Variants in PTPRT observed in about 807,000 individuals in gnomAD.
The protein encoded by PTPRT is protein tyrosine phosphatase receptor type T.
A neutral mutation model predicts 176.8 loss-of-function variants in PTPRT; 56 were observed. The ratio of observed to expected loss-of-function variants is 0.32; its 90% confidence interval spans 0.26 to 0.40. PTPRT has a LOEUF of 0.40. Ranked by LOEUF, PTPRT falls within the 10% of genes least tolerant of loss-of-function variation. The pLI is 1.00. For synonymous variants in PTPRT, 783 were observed against 739.0 expected, an observed-to-expected ratio of 1.06 and a Z score of -0.96; for missense variants, 1,540 against 1,908.2, an observed-to-expected ratio of 0.81 and a Z score of 3.60.
intron 6 of PTPRT, among the ~76,000 whole-genome samples, chr20:42,744,343 A>G (rs1177473161): frequency 1.3e-5 from 2 of 152,250 alleles, no homozygotes; most frequent in Admixed American, 1.3e-4. Context: ...GTCTACATCA[A>G]GAAAGAACAT....
chr20:42,423,164 CCT>C lies in PTPRT; in HGVS notation c.1560+25054_1560+25055del, dbSNP rs542881341. 3.1e-5 allele frequency among the ~76,000 whole-genome samples: 4 copies of C among 130,854 alleles called. No individual in the cohort carries two copies. The South Asian group carries it at 7.6e-4, about 25-fold the overall frequency. The allele number at this position is 130,854 out of a possible 152,430, so 85.8% of individuals were successfully genotyped here. On this transcript the variant is annotated intron_variant, in intron 9 of 30. Transcript: ENST00000373187. ...TCCCATGAAAACCTTCACTTGTACC[CCT>C]GACCTTAAAAGTAAAAAAAAAAAAA...
At chr20:42,576,412 T>C (rs2073261920) in intron 7 of PTPRT, among the ~76,000 whole-genome samples, 1 of 152,204 alleles carries the variant, frequency 6.6e-6, no homozygotes, top group Non-Finnish European at 1.5e-5. Context: ...CTGCAGCTGG[T>C]GTTCCGTAAA....
intron 1 of PTPRT, among the ~76,000 whole-genome samples, chr20:42,917,830 C>A (rs1381251447): frequency 6.6e-6 from 1 of 152,158 alleles, no homozygotes; most frequent in Non-Finnish European, 1.5e-5. Context: ...TAGCTCTTCT[C>A]CTTCATTCTC....
intron 15 of PTPRT, among the ~76,000 whole-genome samples, chr20:42,222,520 T>C (rs1443741436): frequency 2.6e-5 from 4 of 152,166 alleles, no homozygotes; most frequent in Admixed American, 6.5e-5. Flanking sequence ...TTTCTGATTG[T>C]GGGTCTTAAG....
downstream of PTPRT, among the ~76,000 whole-genome samples, chr20:42,072,442 A>C (rs947115492): frequency 1.1e-4 from 17 of 152,166 alleles, no homozygotes; most frequent in Non-Finnish European, 1.9e-4. Context: ...TGAAATTGTG[A>C]TTCTCTGGGC....
chr20:42,611,193 G>A (rs375999044), intron 7 of PTPRT, among the ~76,000 whole-genome samples: 3 of 152,188 alleles, frequency 2.0e-5, no homozygotes, highest in East Asian at 1.9e-4. Context: ...ACTTAGCAGT[G>A]GAATTGCTGA....
rs1247133883 is a variant in PTPRT, at chr20:42,876,834, T to C, written c.214+8973A>G. 4.6e-5 allele frequency among the ~76,000 whole-genome samples: 7 copies of C among 152,022 alleles called. No homozygotes were observed. In the East Asian group the frequency reaches 1.4e-3, roughly 29 times the overall value. ...ACCCTGCAGCCACTCACAGGCCTAG[T>C]AGGGAATCAGAGACAACATGTGATA... is the stretch of plus-strand genomic sequence containing the variant. On this transcript the variant is annotated intron_variant, in intron 2 of 30. Coordinates refer to ENST00000373187, the MANE Select transcript of PTPRT (RefSeq NM_007050.6).
Position 43,065,831 on chromosome 20 carries a change from G to A in PTPRT, c.88+123815C>T, listed in dbSNP as rs149792993. Among the ~76,000 whole-genome samples the A allele has an allele frequency of 3.0e-3, 464 of 152,282 alleles. 2 individuals carry two copies. The highest frequency in any genetic ancestry group is 0.01 in the African/African-American group (433 of 41,550). ...CCAGGCTGACTTCTGGTTTCCTACA[G>A]AGTCAAAGAGCTCAGAGTAGGCAGA... On this transcript the variant is annotated intron_variant, in intron 1 of 30. Coordinates refer to ENST00000373187, the MANE Select transcript of PTPRT (RefSeq NM_007050.6).
Position 42,074,711 on chromosome 20 carries a change from T to A in PTPRT, c.*6168A>T, listed in dbSNP as rs1982607171. On this transcript the variant is annotated 3_prime_UTR_variant, in exon 31 of 31. Transcript: ENST00000373187. ...GGCTACCATTGTGAGTGTTGATGCC[T>A]CCTTTTAGAGACCTAACATTCATGA... 2.5e-6 allele frequency: 1 copy of A among 398,490 alleles called. No homozygotes were observed. The highest frequency in any genetic ancestry group is 4.4e-6 in the Non-Finnish European group (1 of 225,984). 24.7% of individuals were successfully genotyped at this position (398,490 alleles called of 1,614,324 possible).
At chr20:42,477,416 G>A (rs1039513811) in intron 7 of PTPRT, among the ~76,000 whole-genome samples, 3 of 152,076 alleles carry the variant, frequency 2.0e-5, no homozygotes, top group African/African-American at 7.2e-5. Flanking sequence ...TCAAGCAAGA[G>A]AATATCCTGA....
intron 18 of PTPRT, among the ~76,000 whole-genome samples, chr20:42,137,279 G>A (rs1568962001): frequency 6.6e-6 from 1 of 152,156 alleles, no homozygotes; most frequent in Non-Finnish European, 1.5e-5. Context: ...GTCACCCCCA[G>A]CTCTGTCTCC....
At chr20:42,198,224 C>T (rs1170331822) in intron 16 of PTPRT, among the ~76,000 whole-genome samples, 2 of 152,154 alleles carry the variant, frequency 1.3e-5, no homozygotes, top group Non-Finnish European at 2.9e-5. Flanking sequence ...GCATAGCTTA[C>T]CTATAAAATG....
At chr20:42,699,047 A>G (rs1000151239) in intron 6 of PTPRT, among the ~76,000 whole-genome samples, 1 of 152,194 alleles carries the variant, frequency 6.6e-6, no homozygotes, top group Non-Finnish European at 1.5e-5. Context: ...GACGATGGAG[A>G]AGAAATCTAG....
Position 42,609,616 on chromosome 20 carries a change from G to A in PTPRT, c.1153+68250C>T, listed in dbSNP as rs879443031. Among the ~76,000 whole-genome samples the A allele has an allele frequency of 5.9e-5, 9 of 152,264 alleles. No individual in the cohort carries two copies. In the South Asian group the frequency reaches 8.3e-4, roughly 14 times the overall value. On this transcript the variant is annotated intron_variant, in intron 7 of 30. Coordinates refer to ENST00000373187, the MANE Select transcript of PTPRT (RefSeq NM_007050.6). The stretch of plus-strand genomic sequence containing the variant: ...GCTGCTATAGCAGCTGGGCTGCCTC[G>A]TTCTTTCTACCAAGATATGGAATCC...
intron 9 of PTPRT, among the ~76,000 whole-genome samples, chr20:42,409,306 C>A (rs1007374136): frequency 6.6e-6 from 1 of 151,504 alleles, no homozygotes; most frequent in South Asian, 2.1e-4. Context: ...TACAGTGAAA[C>A]CCTGTCTCTA....
chr20:42,898,140 T>C (rs1256215170), intron 1 of PTPRT, among the ~76,000 whole-genome samples: 1 of 152,200 alleles, frequency 6.6e-6, no homozygotes, highest in Admixed American at 6.5e-5. Flanking sequence ...GAATAAGTCA[T>C]GTAGACTCTA....
At chr20:42,633,781 G>GAAAA (rs757072641) in intron 7 of PTPRT, among the ~76,000 whole-genome samples, 26 of 32,854 alleles carry the variant, frequency 7.9e-4, no homozygotes, top group African/African-American at 4.5e-3. Flanking sequence ...GCAAGACTCT[G>GAAAA]AAAATATATA....
At chr20:43,090,320 T>G (rs1366349756) in intron 1 of PTPRT, among the ~76,000 whole-genome samples, 19 of 150,652 alleles carry the variant, frequency 1.3e-4, no homozygotes, top group Non-Finnish European at 2.7e-4. Context: ...CAGGCTGGAG[T>G]GCAGTGGCGC....
chr20:43,091,001 C>A (rs534197177), intron 1 of PTPRT, among the ~76,000 whole-genome samples: 2 of 152,112 alleles, frequency 1.3e-5, no homozygotes, highest in African/African-American at 2.4e-5. Flanking sequence ...GAGGCCGAGG[C>A]GGGCAGATCA....
Sources: allele counts gnomAD v4.1 joint callset (sites outside exome capture counted in the v4.1 genomes callset), GRCh38; gene constraint gnomAD v4.1.1; transcripts MANE v1.5; gene names NCBI Gene and HGNC (gene_info 2026-07-23, HGNC 2026-07-21).